Variants in DDB1 observed in about 807,000 individuals in gnomAD.
The protein encoded by DDB1 is DNA damage-binding protein 1.
DDB1 carries 18 observed loss-of-function variants against 133.1 expected under a neutral mutation model. That is an observed-to-expected ratio of 0.14 (90% CI 0.09 to 0.20). DDB1 has a LOEUF of 0.20. Among genes scored for constraint, DDB1 ranks in the 10% least tolerant of loss-of-function variants. The pLI is 1.00. For synonymous variants in DDB1, 580 were observed against 550.5 expected (o/e 1.05, Z -0.75); for missense variants, 828 against 1,459.2 (o/e 0.57, Z 7.05).
intron 10 of DDB1, among the ~76,000 whole-genome samples, chr11:61,316,956 T>G (rs1406392644): frequency 6.4e-4 from 7 of 10,976 alleles, no homozygotes; most frequent in South Asian, 2.6e-3. Context: ...GATATATATA[T>G]ATATATATAT....
intron 4 of DDB1, among the ~76,000 whole-genome samples, chr11:61,328,401 G>A (rs1434919708): frequency 6.6e-6 from 1 of 152,186 alleles, no homozygotes; most frequent in African/African-American, 2.4e-5. Flanking sequence ...TCAGCCACAT[G>A]CAAATGAAAT....
Position 61,300,074 on chromosome 11 carries a change from AGGGGGAG to A in DDB1, c.*55_*61del, listed in dbSNP as rs1162630377. The stretch of plus-strand genomic sequence containing the variant: ...GGCCAAGAAGACGATGGTGGAGAGG[AGGGGGAG>A]GGCAGCAGGGCAAAGCCTTTGGGGA... On this transcript the variant is annotated 3_prime_UTR_variant, in exon 27 of 27. Coordinates refer to ENST00000301764, the MANE Select transcript of DDB1 (RefSeq NM_001923.5). 6.5e-7 allele frequency: 1 copy of A among 1,536,704 alleles called. No homozygotes were observed. The highest frequency in any genetic ancestry group is 2.2e-5 in the East Asian group (1 of 44,506).
intron 7 of DDB1, 172 bp downstream of exon 7, chr11:61,323,807 T>G: frequency 1.5e-6 from 1 of 651,396 alleles, no homozygotes; most frequent in Non-Finnish European, 2.7e-6. Flanking sequence ...CAGGATCCTG[T>G]GAGATGCTCC....
rs1855943436 is a variant in DDB1 at position 61,310,295 on chromosome 11, C to T, written c.2401G>A (p.Val801Met). The change falls in exon 19 of 27, where the codon GTG (valine) becomes ATG (methionine). Residue 801 changes from valine to methionine, a missense_variant and splice_region_variant. By Grantham distance (21) the Val-to-Met change is conservative. Around this residue, in one of 7 missense-constraint regions of DDB1, gnomAD observed 396 missense variants for 554.1 expected, o/e 0.71. Coordinates refer to ENST00000301764, the MANE Select transcript of DDB1 (RefSeq NM_001923.5). ...AATTATCGAAAGAGCTCATGTGCAC[C>T]TTCAAAGGTGTGTTGGTCAATGATA... ...LLIIDQHTFE[V>M]LHAHQFLQNE... 1 of 1,608,784 alleles carries T rather than the reference C, an allele frequency of 6.2e-7. No homozygotes were observed. The highest frequency in any genetic ancestry group is 8.5e-7 in the Non-Finnish European group (1 of 1,178,326).
chr11:61,316,739 T>C (rs1374095261), intron 10 of DDB1, among the ~76,000 whole-genome samples, 172 bp from the exon 11 acceptor site: 1 of 150,844 alleles, frequency 6.6e-6, no homozygotes, highest in South Asian at 2.1e-4. Flanking sequence ...CTGGGCAAAA[T>C]GGAGAGACCT....
Position 61,309,916 on chromosome 11 carries a change from G to C in DDB1, c.2446C>G (p.Leu816Val), listed in dbSNP as rs1255424990. The C allele has an allele frequency of 4.3e-6, 7 of 1,614,118 alleles. No individual in the cohort carries two copies. The highest frequency in any genetic ancestry group is 5.9e-6 in the Non-Finnish European group (7 of 1,180,052). The part of the protein sequence containing the change: ...QFLQNEYALS[L>V]VSCKLGKDPN... ...TCTTTGCCCAGCTTGCAGGAAACCAGACTGAGGGCATATTCATTCTGCAGA... is the reference window on the plus strand; with the variant it reads ...TCTTTGCCCAGCTTGCAGGAAACCACACTGAGGGCATATTCATTCTGCAGA... Residue 816 changes from leucine to valine, a missense_variant, in exon 20 of 27, where the codon CTG (leucine) becomes GTG (valine). Transcript: ENST00000301764.
In DDB1 at chr11:61,333,038, G is replaced by C; in HGVS notation, c.-70C>G. On this transcript the variant is annotated 5_prime_UTR_variant, in exon 1 of 27. Coordinates refer to ENST00000301764, the MANE Select transcript of DDB1 (RefSeq NM_001923.5). The stretch of plus-strand genomic sequence containing the variant: ...AAAGAGGGACACAAGCGAAAAGACA[G>C]GTGGCCCCCAACAGCGCGCAGCGAA... 2 of 1,383,598 alleles carry C rather than the reference G, an allele frequency of 1.4e-6. No homozygotes were observed. The highest frequency in any genetic ancestry group is 1.9e-6 in the Non-Finnish European group (2 of 1,036,146). 85.7% of individuals were successfully genotyped at this position (1,383,598 alleles called of 1,614,324 possible).
chr11:61,332,189 C>A (rs747050120), intron 1 of DDB1: 3 of 159,540 alleles, frequency 1.9e-5, no homozygotes, highest in Non-Finnish European at 4.2e-5. Flanking sequence ...ATACCTCCAT[C>A]CACACTCAGC....
intron 21 of DDB1, 33 bp from the exon 22 acceptor site, chr11:61,304,068 G>A (rs1284629917): frequency 6.2e-7 from 1 of 1,610,414 alleles, no homozygotes; most frequent in South Asian, 1.1e-5. Flanking sequence ...CAGCCAAAGG[G>A]GCCAGAGCTC....
intron 12 of DDB1, 195 bp from the exon 13 acceptor site, chr11:61,314,681 A>C (rs1458800529): frequency 5.3e-6 from 3 of 562,256 alleles, no homozygotes; most frequent in African/African-American, 3.8e-5. Flanking sequence ...AGGCCAGCTT[A>C]AAAGTAGCTT....
Position 61,314,219 on chromosome 11 carries a change from A to G in DDB1, c.1590-9T>C. ...GTTCCATCTCTGTGTGGCTGAACAAAGAAGAATATGGCAGAGGAAGGAATC... is the reference window on the plus strand; with the variant it reads ...GTTCCATCTCTGTGTGGCTGAACAAGGAAGAATATGGCAGAGGAAGGAATC... On this transcript the variant is annotated splice_polypyrimidine_tract_variant and intron_variant, in intron 13 of 26. Coordinates refer to ENST00000301764, the MANE Select transcript of DDB1 (RefSeq NM_001923.5). The G allele has an allele frequency of 6.3e-7, 1 of 1,596,796 alleles. No homozygotes were observed. The highest frequency in any genetic ancestry group is 8.5e-7 in the Non-Finnish European group (1 of 1,171,328).
intron 10 of DDB1, among the ~76,000 whole-genome samples, chr11:61,316,816 T>A (rs377159736): frequency 6.9e-6 from 1 of 144,760 alleles, no homozygotes. Flanking sequence ...CCCAGCTACA[T>A]GGGAGGCTGA....
In DDB1 at chr11:61,316,677, T is replaced by C. The variant is rs1319103127; in HGVS notation, c.1226-110A>G. The C allele has an allele frequency of 6.8e-6, 8 of 1,170,786 alleles. No homozygotes were observed. In the Admixed American group the frequency reaches 8.9e-5, roughly 13 times the overall value. 72.5% of individuals were successfully genotyped at this position (1,170,786 alleles called of 1,614,324 possible). A position where few individuals can be genotyped will look rare whatever the true frequency, so the allele number is the denominator to read the frequency against. ...TGGCTCATGCCTATAATCTCAACAC[T>C]TGGGAAGGCAGAGGCAGGAGGACTG... On this transcript the variant is annotated intron_variant, in intron 10 of 26. Transcript: ENST00000301764.
chr11:61,331,421 C>T (rs1856365370), intron 2 of DDB1, 122 bp downstream of exon 2: 2 of 1,338,110 alleles, frequency 1.5e-6, no homozygotes, highest in African/African-American at 1.5e-5. Context: ...GAGTTCAAGA[C>T]ATCCTGGGCA....
At chr11:61,323,167 A>C in intron 7 of DDB1, 73 bp from the exon 8 acceptor site, 17 of 1,234,130 alleles carry the variant, frequency 1.4e-5, no homozygotes, top group Non-Finnish European at 1.8e-5. Context: ...CCCACATCTC[A>C]GACATCTGCT....
At chr11:61,330,186 A>G in intron 2 of DDB1, 112 bp from the exon 3 acceptor site, 1 of 802,746 alleles carries the variant, frequency 1.2e-6, no homozygotes, top group East Asian at 2.6e-5. Context: ...TTCTCTCCCT[A>G]AAGAGAAAAT....
chr11:61,310,116 G>T (rs1855939350), intron 19 of DDB1, among the ~76,000 whole-genome samples, 156 bp from the exon 20 acceptor site: 1 of 152,126 alleles, frequency 6.6e-6, no homozygotes, highest in Admixed American at 6.5e-5. Flanking sequence ...ACCAGCCTAA[G>T]CTAAGGAGAG....
chr11:61,329,748 C>T (rs1345576071), intron 3 of DDB1, among the ~76,000 whole-genome samples, 164 bp from the exon 4 acceptor site: 2 of 152,186 alleles, frequency 1.3e-5, no homozygotes, highest in African/African-American at 4.8e-5. Flanking sequence ...ATGCCTTTTT[C>T]ATGAAACACT....
intron 8 of DDB1, chr11:61,322,742 A>T: frequency 1.8e-6 from 1 of 546,596 alleles, no homozygotes; most frequent in Non-Finnish European, 3.3e-6. Context: ...AGTCCATTAC[A>T]TTAAACTATG....
Sources: gnomAD v4.1 joint callset for allele counts (sites outside exome capture counted in the v4.1 genomes callset) on GRCh38, gnomAD v4.1.1 for gene constraint, gnomAD v4.1.1 regional missense constraint, MANE v1.5 for transcripts, NCBI Gene and HGNC (gene_info 2026-07-23, HGNC 2026-07-21) for gene names.